The following SF1 variants were observed in gnomAD, a reference collection of about 807,000 sequenced individuals.
SF1 encodes the protein branch point-binding protein.
In SF1, 7 loss-of-function variants were observed where a neutral mutation model predicts 62.5. The observed-to-expected ratio is 0.11, with a 90% CI of 0.06 to 0.21. The LOEUF (loss-of-function observed/expected upper bound fraction) is 0.21. Ranked by LOEUF, SF1 falls within the 10% of genes least tolerant of loss-of-function variation. SF1 has a pLI of 1.00. For missense variants in SF1, 578 were observed against 884.0 expected (o/e 0.65, Z 4.39); for synonymous variants, 394 against 323.6 (o/e 1.22, Z -2.33).
intron 1 of SF1, chr11:64,777,530 G>A (rs759365477): frequency 9.3e-5 from 92 of 985,352 alleles, no homozygotes; most frequent in Non-Finnish European, 1.1e-4. Context: ...CCTTGCTGTA[G>A]AAGCAGAGGA....
chr11:64,774,264 G>C (rs1037821699), intron 2 of SF1, among the ~76,000 whole-genome samples: 2 of 152,196 alleles, frequency 1.3e-5, no homozygotes, highest in African/African-American at 4.8e-5. Context: ...CAGGCGTGTA[G>C]AAGAATGGAA....
At chr11:64,778,069 G>C in intron 1 of SF1, 2 of 988,700 alleles carry the variant, frequency 2.0e-6, no homozygotes, top group Non-Finnish European at 2.4e-6. Flanking sequence ...ACACGCGCTG[G>C]TAGAGCGGCG....
intron 1 of SF1, among the ~76,000 whole-genome samples, chr11:64,776,848 T>C (rs1477162005): frequency 3.9e-5 from 6 of 152,316 alleles, no homozygotes; most frequent in African/African-American, 1.2e-4. Flanking sequence ...CAAGTTAACA[T>C]TTCACCTTCT....
In SF1 at chr11:64,770,065, A is replaced by G. The variant is rs1482090665; in HGVS notation, c.390-12T>C. The G allele has an allele frequency of 6.2e-7, 1 of 1,610,026 alleles. No homozygotes were observed. Among genetic ancestry groups the G allele is most frequent in the African/African-American group, 1.3e-5 (1 of 74,794 alleles). ...GTGTTGCTGGAGGTCTAAGAAAGAA[A>G]AGCCTGTGTCACCGCACATTTCTGG... On this transcript the variant is annotated splice_polypyrimidine_tract_variant and intron_variant, in intron 4 of 12. Transcript: ENST00000377390.
At chr11:64,774,934 C>G (rs909357515) in intron 2 of SF1, among the ~76,000 whole-genome samples, 5 of 150,212 alleles carry the variant, frequency 3.3e-5, no homozygotes, top group Non-Finnish European at 5.9e-5. Context: ...ACACTCCAGC[C>G]TGGCGACACA....
Position 64,766,099 on chromosome 11 carries a change from G to T in SF1, c.1639C>A (p.Gln547Lys). 6.2e-7 allele frequency: 1 copy of T among 1,611,070 alleles called. No homozygotes were observed. Residue 547 changes from glutamine to lysine, a missense_variant, in exon 13 of 13, where the codon CAG (glutamine) becomes AAG (lysine). Physicochemically the swap from Gln to Lys is moderately conservative, Grantham distance 53. Around this residue, in one of 7 missense-constraint regions of SF1, gnomAD observed 410 missense variants for 452.4 expected, o/e 0.91. Coordinates refer to ENST00000377390, the MANE Select transcript of SF1 (RefSeq NM_004630.4). ...GGAGAAGCTGCGGCAGCCGCCTGCT[G>T]CTGTTGCCATGGCGGGATGGACCCT... is the stretch of plus-strand genomic sequence containing the variant. ...GTGSIPPWQQ[Q>K]QAAAAASPGA...
Position 64,767,654 on chromosome 11 carries a change from G to A in SF1, c.1259C>T (p.Pro420Leu). The change falls in exon 10 of 13, where the codon CCC becomes CTC. Residue 420 changes from proline (P) to leucine (L), a missense_variant. Pro to Leu is a moderately conservative substitution (Grantham distance 98, BLOSUM62 -3). This residue lies in a region of SF1 where 410 missense variants were observed against 452.4 expected (regional missense o/e 0.91). Coordinates refer to ENST00000377390, the MANE Select transcript of SF1 (RefSeq NM_004630.4). ...GHPMQHNPNGPPPPWMQPPPP... is the reference protein window; with the variant it reads ...GHPMQHNPNGLPPPWMQPPPP... ...TGGTGGCTGCATCCAAGGGGGTGGG[G>A]GTCCATTGGGGTTGTGCTGCATGGG... 1.2e-6 allele frequency: 2 copies of A among 1,602,094 alleles called. No individual in the cohort carries two copies. Among genetic ancestry groups the A allele is most frequent in the Non-Finnish European group, 1.7e-6 (2 of 1,173,562 alleles).
At chr11:64,776,432 G>T in intron 2 of SF1, 66 bp downstream of exon 2, 1 of 1,513,562 alleles carries the variant, frequency 6.6e-7, no homozygotes, top group Non-Finnish European at 9.1e-7. Context: ...TTCAAAAAAT[G>T]CAGATCTTGC....
chr11:64,768,845 CAG>C (rs1937808018), intron 8 of SF1, among the ~76,000 whole-genome samples, 175 bp downstream of exon 8: 1 of 152,172 alleles, frequency 6.6e-6, no homozygotes, highest in Non-Finnish European at 1.5e-5. Context: ...GACAAACAAA[CAG>C]GGGTATCTGT....
intron 6 of SF1, 32 bp from the exon 7 acceptor site, chr11:64,769,370 T>G (rs986300843): frequency 6.2e-7 from 1 of 1,613,648 alleles, no homozygotes; most frequent in African/African-American, 1.3e-5. Flanking sequence ...GTTAAGTGCT[T>G]AGGGCCTCCA....
chr11:64,766,855 A>ACCGCCCCCCCCCCC, intron 12 of SF1, 45 bp downstream of exon 12: 1 of 528,760 alleles, frequency 1.9e-6, no homozygotes, highest in Non-Finnish European at 3.4e-6. Context: ...TGTCAGCCCC[A>ACCGCCCCCCCCCCC]CCCCCATCCC....
chr11:64,776,359 G>A, intron 2 of SF1, 139 bp downstream of exon 2: 2 of 915,242 alleles, frequency 2.2e-6, no homozygotes, highest in Non-Finnish European at 3.5e-6. Context: ...GGCAAAAACT[G>A]ACAGATGATA....
chr11:64,778,181 G>GGCGGAGGCA lies in SF1; in HGVS notation c.31+172_31+180dup, dbSNP rs1208025867. On this transcript the variant is annotated intron_variant, in intron 1 of 12. Coordinates refer to ENST00000377390, the MANE Select transcript of SF1 (RefSeq NM_004630.4). ...AGGCGGAGGGGGCGGCGGCGGAGGC[G>GGCGGAGGCA]GCGGAGGCAGCGCCGCGAAGGGGAA... 7 of 982,092 alleles carry GGCGGAGGCA rather than the reference G, an allele frequency of 7.1e-6. No individual in the cohort carries two copies. The East Asian group carries it at 2.7e-4, about 38-fold the overall frequency. 60.8% of individuals were successfully genotyped at this position (982,092 alleles called of 1,614,324 possible).
rs756593703 is a variant in SF1, at chr11:64,765,542, G to A, written c.*276C>T. ...TCCTGGCGGCCCGGTTTGGGGAGAG[G>A]CAAAGGGAGTTGGGTGAGGAGAGAA... On this transcript the variant is annotated 3_prime_UTR_variant, in exon 13 of 13. Transcript: ENST00000377390. The A allele has an allele frequency of 6.3e-7, 1 of 1,599,028 alleles. No homozygotes were observed. The highest frequency in any genetic ancestry group is 8.5e-7 in the Non-Finnish European group (1 of 1,174,578).
intron 2 of SF1, among the ~76,000 whole-genome samples, chr11:64,774,154 A>G (rs1373557423): frequency 2.0e-5 from 3 of 152,262 alleles, no homozygotes; most frequent in Non-Finnish European, 2.9e-5. Context: ...ATTATATGAA[A>G]TATTTATTCA....
rs1161733812 is a variant in SF1, at chr11:64,764,909, G to GAT, written c.*908_*909insAT. The stretch of plus-strand genomic sequence containing the variant: ...ACCAAATGGAATCTGAGGCAGCTCA[G>GAT]GTGATCAAGGAGCACAGGAAGAACT... On this transcript the variant is annotated 3_prime_UTR_variant, in exon 13 of 13. Transcript: ENST00000377390. The GAT allele has an allele frequency of 1.3e-5, 2 of 152,346 alleles. No individual in the cohort carries two copies. The highest frequency in any genetic ancestry group is 4.8e-5 in the African/African-American group (2 of 41,476). 9.4% of individuals were successfully genotyped at this position (152,346 alleles called of 1,614,324 possible).
intron 3 of SF1, 152 bp downstream of exon 3, chr11:64,773,278 A>C: frequency 6.9e-7 from 1 of 1,454,956 alleles, no homozygotes; most frequent in South Asian, 1.5e-5. Flanking sequence ...CTGACCATAC[A>C]TATTTCTAAT....
rs1938080051 is a variant in SF1 at position 64,770,169 on chromosome 11, TGAG to T, written c.389+84_389+86del. ...ATTATGGGTGACTTGAGGCAAGAGG[TGAG>T]TAGTACCAATACTGTCCCATCCCAG... On this transcript the variant is annotated intron_variant, in intron 4 of 12. Transcript: ENST00000377390. The T allele has an allele frequency of 3.8e-6, 6 of 1,561,454 alleles. No individual in the cohort carries two copies. In the South Asian group the frequency reaches 5.6e-5, roughly 15 times the overall value.
At chr11:64,772,195 A>G in intron 3 of SF1, 1 of 985,398 alleles carries the variant, frequency 1.0e-6, no homozygotes, top group Non-Finnish European at 1.2e-6. Context: ...GTTATCCAGG[A>G]AGCAAAGAAG....
Sources: gnomAD v4.1 joint callset for allele counts (sites outside exome capture counted in the v4.1 genomes callset) on GRCh38, gnomAD v4.1.1 for gene constraint, gnomAD v4.1.1 regional missense constraint, MANE v1.5 for transcripts, NCBI Gene and HGNC (gene_info 2026-07-23, HGNC 2026-07-21) for gene names.